TTLL5: variants seen among roughly 807,000 people sequenced by gnomAD.
TTLL5 encodes the protein tubulin tyrosine ligase like 5.
TTLL5 carries 132 observed loss-of-function variants against 168.4 expected under a neutral mutation model. The observed-to-expected ratio is 0.78, with a 90% CI of 0.68 to 0.91. The LOEUF is 0.91. Among genes scored for constraint, TTLL5 ranks in the 40% least tolerant of loss-of-function variants. TTLL5 has a pLI of 0.00. For missense variants in TTLL5, 1,545 were observed against 1,581.5 expected (o/e 0.98, Z 0.39); for synonymous variants, 546 against 558.6 (o/e 0.98, Z 0.32).
At chr14:75,845,193 G>A (rs932171271) in intron 28 of TTLL5, among the ~76,000 whole-genome samples, 6 of 152,150 alleles carry the variant, frequency 3.9e-5, no homozygotes, top group Admixed American at 1.3e-4. Context: ...AGAGTTGGAG[G>A]AGTAGCAGGA....
At chr14:75,901,451 T>C (rs2032917474) in intron 30 of TTLL5, among the ~76,000 whole-genome samples, 1 of 152,228 alleles carries the variant, frequency 6.6e-6, no homozygotes, top group African/African-American at 2.4e-5. Flanking sequence ...TCAGATATAC[T>C]CTGTCATATC....
intron 7 of TTLL5, among the ~76,000 whole-genome samples, chr14:75,702,476 G>A (rs1886339847): frequency 6.6e-6 from 1 of 152,194 alleles, no homozygotes. Context: ...TTAGATATGA[G>A]TCAAAAAGAA....
chr14:75,840,755 C>T (rs1896183643), intron 28 of TTLL5, among the ~76,000 whole-genome samples: 1 of 152,202 alleles, frequency 6.6e-6, no homozygotes, highest in African/African-American at 2.4e-5. Flanking sequence ...AATTTCCATG[C>T]CCTAGAAATA....
chr14:75,880,606 G>A (rs1249065188), intron 29 of TTLL5, among the ~76,000 whole-genome samples: 1 of 152,198 alleles, frequency 6.6e-6, no homozygotes, highest in African/African-American at 2.4e-5. Flanking sequence ...TTAGGATGTA[G>A]TGGTGAAAAT....
chr14:75,787,859 GTA>G (rs1400207582), intron 26 of TTLL5, among the ~76,000 whole-genome samples: 5 of 152,148 alleles, frequency 3.3e-5, no homozygotes, highest in African/African-American at 1.2e-4. Context: ...AAACCCCCAT[GTA>G]TTTCAAAATT....
At chr14:75,882,982 AC>A in intron 30 of TTLL5, 80 bp downstream of exon 30, 1 of 1,431,270 alleles carries the variant, frequency 7.0e-7, no homozygotes, top group Non-Finnish European at 9.6e-7. Flanking sequence ...ACTCTTCAAG[AC>A]CGTTCGTACT....
intron 23 of TTLL5, among the ~76,000 whole-genome samples, chr14:75,777,223 G>A (rs535321790): frequency 2.0e-5 from 3 of 152,138 alleles, no homozygotes; most frequent in African/African-American, 4.8e-5. Flanking sequence ...TGTAGTTCTC[G>A]ACAGCCTTCA....
At chr14:75,948,256 G>A (rs1184291432) in intron 31 of TTLL5, among the ~76,000 whole-genome samples, 2 of 152,102 alleles carry the variant, frequency 1.3e-5, no homozygotes, top group Admixed American at 1.3e-4. Flanking sequence ...AGGCCAAGAC[G>A]GGTGGATCAC....
chr14:75,920,512 CT>C (rs1270612333), intron 31 of TTLL5, among the ~76,000 whole-genome samples: 1 of 152,074 alleles, frequency 6.6e-6, no homozygotes, highest in Non-Finnish European at 1.5e-5. Flanking sequence ...TGGTTTTCTG[CT>C]TTGTGATAGT....
intron 31 of TTLL5, among the ~76,000 whole-genome samples, chr14:75,944,950 A>C (rs531958462): frequency 6.6e-6 from 1 of 151,922 alleles, no homozygotes; most frequent in Non-Finnish European, 1.5e-5. Flanking sequence ...CATGCGTACA[A>C]CTCCAGTAAA....
At position 75,863,825 on chromosome 14, in the gene TTLL5, C is replaced by A; in HGVS notation, c.3485C>A (p.Ser1162Tyr). ...CAACTTGAACAACAAAAACTTCAGT[C>A]CCGGCAGCTCCTGGACCAGAGTCGA... Reference protein sequence around the residue: ...LQQLEQQKLQSRQLLDQSRAR... With the variant: ...LQQLEQQKLQYRQLLDQSRAR... Residue 1162 changes from serine (S) to tyrosine (Y), a missense_variant, in exon 29 of 32, where the codon TCC becomes TAC. Transcript: ENST00000298832. 2 of 1,606,882 alleles carry A rather than the reference C, an allele frequency of 1.2e-6. No homozygotes were observed. The highest frequency in any genetic ancestry group is 1.1e-5 in the South Asian group (1 of 90,824).
intron 21 of TTLL5, among the ~76,000 whole-genome samples, chr14:75,773,921 TATATATAGAGAG>T (rs1238733568): frequency 1.8e-4 from 5 of 28,262 alleles, no homozygotes; most frequent in African/African-American, 2.7e-4. Flanking sequence ...TATATATATA[TATATATAGAGAG>T]AGAGAGAGAG....
chr14:75,671,259 A>ATCCTTATGGTAG, intron 3 of TTLL5, among the ~76,000 whole-genome samples: 1 of 152,204 alleles, frequency 6.6e-6, no homozygotes, highest in African/African-American at 2.4e-5. Flanking sequence ...TCATTGAACT[A>ATCCTTATGGTAG]TACATTTATC....
At chr14:75,848,169 A>G (rs546473237) in intron 28 of TTLL5, among the ~76,000 whole-genome samples, 6 of 152,020 alleles carry the variant, frequency 3.9e-5, no homozygotes, top group South Asian at 4.1e-4. Flanking sequence ...TGTAGGCCTC[A>G]CTGTTCCAAG....
intron 14 of TTLL5, among the ~76,000 whole-genome samples, chr14:75,734,430 A>T (rs938080984): frequency 6.6e-6 from 1 of 152,232 alleles, no homozygotes; most frequent in Non-Finnish European, 1.5e-5. Flanking sequence ...TCCCTTCTGT[A>T]GTAGTTATAA....
chr14:75,729,032 G>C (rs1375353980), intron 12 of TTLL5, among the ~76,000 whole-genome samples: 1 of 152,194 alleles, frequency 6.6e-6, no homozygotes, highest in East Asian at 1.9e-4. Context: ...TAGGTATTAA[G>C]AAGTTCAGAC....
rs376215082 is a variant in TTLL5, at chr14:75,782,436, G to A, written c.2516-51G>A. ...GGAATAAAATTATGTATAGAACAGCGGACTTGCAATTGATTATAAGAGAGT... is the reference window on the plus strand; with the variant it reads ...GGAATAAAATTATGTATAGAACAGCAGACTTGCAATTGATTATAAGAGAGT... On this transcript the variant is annotated intron_variant, in intron 24 of 31. Coordinates refer to ENST00000298832, the MANE Select transcript of TTLL5 (RefSeq NM_015072.5). The A allele has an allele frequency of 5.4e-5, 77 of 1,418,864 alleles. No individual in the cohort carries two copies. In the East Asian group the frequency reaches 1.2e-3, roughly 22 times the overall value. The allele number at this position is 1,418,864 out of a possible 1,614,324, so 87.9% of individuals were successfully genotyped here.
At chr14:75,750,153 C>G (rs1889859511) in intron 17 of TTLL5, among the ~76,000 whole-genome samples, 1 of 151,968 alleles carries the variant, frequency 6.6e-6, no homozygotes, top group Non-Finnish European at 1.5e-5. Flanking sequence ...CCTGCTGCAT[C>G]ATACAGCTTT....
chr14:75,880,185 G>A (rs1328101581), intron 29 of TTLL5, among the ~76,000 whole-genome samples: 1 of 151,628 alleles, frequency 6.6e-6, no homozygotes, highest in Admixed American at 6.6e-5. Context: ...AGATATATAT[G>A]GTGTGTATGT....
Sources: gnomAD v4.1 joint callset for allele counts (sites outside exome capture counted in the v4.1 genomes callset) on GRCh38, gnomAD v4.1.1 for gene constraint, MANE v1.5 for transcripts, NCBI Gene and HGNC (gene_info 2026-07-23, HGNC 2026-07-21) for gene names.